Variants in GRIA1 observed in about 807,000 individuals in gnomAD.
The protein encoded by GRIA1 is glutamate ionotropic receptor AMPA type subunit 1.
GRIA1 carries 31 observed loss-of-function variants against 99.2 expected under a neutral mutation model. The observed-to-expected ratio is 0.31, with a 90% CI of 0.23 to 0.42. The LOEUF (loss-of-function observed/expected upper bound fraction) is 0.42. Ranked by LOEUF, GRIA1 falls within the 10% of genes least tolerant of loss-of-function variation. The pLI is 1.00. For synonymous variants in GRIA1, 438 were observed against 432.4 expected, an observed-to-expected ratio of 1.01 and a Z score of -0.16; for missense variants, 782 against 1,157.5, an observed-to-expected ratio of 0.68 and a Z score of 4.71.
At position 153,579,785 on chromosome 5, in the gene GRIA1, T is replaced by C. The variant is rs117817417; in HGVS notation, c.221-67143T>C. On this transcript the variant is annotated intron_variant, in intron 2 of 15. Coordinates refer to ENST00000285900, the MANE Select transcript of GRIA1 (RefSeq NM_000827.4). ...TGCTTCAAGGTCACACTGTGAGTGA[T>C]AGAGGAGTTGAAACCAAGTCACAGA... Among the ~76,000 whole-genome samples the C allele has an allele frequency of 1.1e-3, 161 of 152,096 alleles. 5 individuals carry two copies. The East Asian group carries it at 0.028, about 26-fold the overall frequency.
At chr5:153,710,388 A>G (rs1759227809) in intron 11 of GRIA1, among the ~76,000 whole-genome samples, 1 of 151,978 alleles carries the variant, frequency 6.6e-6, no homozygotes, top group African/African-American at 2.4e-5. Flanking sequence ...ACACCCAGCT[A>G]ATTTTTGTAT....
At chr5:153,543,146 T>C (rs532338002) in intron 2 of GRIA1, among the ~76,000 whole-genome samples, 99 of 152,190 alleles carry the variant, frequency 6.5e-4, no homozygotes, top group African/African-American at 2.3e-3. Flanking sequence ...GTGATGGTGA[T>C]GGAGATGTGA....
In GRIA1 at chr5:153,811,132, T is replaced by C; in HGVS notation, c.2628T>C (p.Gly876=). Residue 876 remains glycine, a synonymous_variant, in exon 16 of 16, where the codon GGT becomes GGC. Coordinates refer to ENST00000285900, the MANE Select transcript of GRIA1 (RefSeq NM_000827.4). ...GASSGGSGEN[G]RVVSHDFPKS... is the part of the protein sequence containing the mutation. ...GCAGCGGCGGCAGTGGAGAGAATGG[T>C]CGGGTGGTCAGCCATGACTTCCCCA... 1 of 1,614,044 alleles carries C rather than the reference T, an allele frequency of 6.2e-7. No homozygotes were observed. The highest frequency in any genetic ancestry group is 8.5e-7 in the Non-Finnish European group (1 of 1,179,950).
At chr5:153,776,106 T>C (rs937439110) in intron 13 of GRIA1, among the ~76,000 whole-genome samples, 1 of 152,152 alleles carries the variant, frequency 6.6e-6, no homozygotes, top group African/African-American at 2.4e-5. Flanking sequence ...GAGATTACCC[T>C]GGCGGTGGTT....
rs13166161 is a variant in GRIA1 at position 153,705,805 on chromosome 5, C to A, written c.1561C>A (p.Pro521Thr). Reference protein sequence around the residue: ...SLGISIMIKKPQKSKPGVFSF... With the variant: ...SLGISIMIKKTQKSKPGVFSF... ...GGGGATCTCCATCATGATTAAAAAACCACAGAAATCCAAGCCGGGTGTCTT... is the reference window on the plus strand; with the variant it reads ...GGGGATCTCCATCATGATTAAAAAAACACAGAAATCCAAGCCGGGTGTCTT... The change falls in exon 11 of 16, where the codon CCA becomes ACA. Residue 521 changes from proline (P) to threonine (T), a missense_variant. By Grantham distance (38) the Pro-to-Thr change is conservative. This residue lies in a region of GRIA1 where 87 missense variants were observed against 184.5 expected (regional missense o/e 0.47). Coordinates refer to ENST00000285900, the MANE Select transcript of GRIA1 (RefSeq NM_000827.4). 1.9e-6 allele frequency: 3 copies of A among 1,600,562 alleles called. No individual in the cohort carries two copies. The highest frequency in any genetic ancestry group is 1.4e-5 in the African/African-American group (1 of 73,806).
intron 2 of GRIA1, among the ~76,000 whole-genome samples, chr5:153,630,255 T>TCA (rs1752845153): frequency 7.3e-6 from 1 of 136,852 alleles, no homozygotes; most frequent in Non-Finnish European, 1.7e-5. Context: ...ATAATGATAA[T>TCA]TATCATCATC....
At chr5:153,556,276 C>G (rs1243287957) in intron 2 of GRIA1, among the ~76,000 whole-genome samples, 1 of 123,154 alleles carries the variant, frequency 8.1e-6, no homozygotes, top group East Asian at 2.0e-4. Flanking sequence ...CAACTATTCT[C>G]TCATTTAGTT....
chr5:153,668,360 G>A (rs1755899931), intron 5 of GRIA1, among the ~76,000 whole-genome samples: 2 of 152,056 alleles, frequency 1.3e-5, no homozygotes, highest in Non-Finnish European at 1.5e-5. Flanking sequence ...GCCATCACCT[G>A]ATTTTATATG....
intron 2 of GRIA1, among the ~76,000 whole-genome samples, chr5:153,526,169 A>G (rs1757576076): frequency 6.6e-6 from 1 of 152,176 alleles, no homozygotes; most frequent in Non-Finnish European, 1.5e-5. Flanking sequence ...TTAATGATGG[A>G]GAGGATCTAT....
intron 2 of GRIA1, among the ~76,000 whole-genome samples, chr5:153,516,242 T>A (rs1463667260): frequency 6.6e-6 from 1 of 151,758 alleles, no homozygotes; most frequent in Non-Finnish European, 1.5e-5. Context: ...ATAAGAAATC[T>A]ACCATATCTA....
intron 2 of GRIA1, among the ~76,000 whole-genome samples, chr5:153,562,985 G>C (rs1045812430): frequency 3.9e-5 from 6 of 151,936 alleles, no homozygotes; most frequent in African/African-American, 1.5e-4. Context: ...AGACCATCCC[G>C]GCCAACATGG....
At chr5:153,796,903 A>G (rs1296635068) in intron 14 of GRIA1, among the ~76,000 whole-genome samples, 4 of 151,752 alleles carry the variant, frequency 2.6e-5, no homozygotes, top group Admixed American at 2.0e-4. Context: ...CAAGGCCTGG[A>G]AGGCAAAAGG....
intron 2 of GRIA1, among the ~76,000 whole-genome samples, chr5:153,505,126 A>G (rs1755370957): frequency 6.6e-6 from 1 of 152,198 alleles, no homozygotes. Context: ...CAAGGCAAAC[A>G]GGGCAGTATG....
At chr5:153,492,430 C>A in intron 1 of GRIA1, 1 of 955,170 alleles carries the variant, frequency 1.0e-6, no homozygotes, top group Non-Finnish European at 1.4e-6. Flanking sequence ...CTCTTTCATT[C>A]ATTGCAGAGG....
At chr5:153,570,173 C>T (rs1761990830) in intron 2 of GRIA1, among the ~76,000 whole-genome samples, 1 of 152,172 alleles carries the variant, frequency 6.6e-6, no homozygotes, top group African/African-American at 2.4e-5. Context: ...AAACCGAGAG[C>T]AATATTCTCT....
chr5:153,563,718 A>G (rs1761363050), intron 2 of GRIA1, among the ~76,000 whole-genome samples: 1 of 152,216 alleles, frequency 6.6e-6, no homozygotes, highest in African/African-American at 2.4e-5. Context: ...GCATCGTATC[A>G]AAGAGGTCTG....
At chr5:153,801,833 TGAAATC>T (rs1302273204) in intron 14 of GRIA1, among the ~76,000 whole-genome samples, 2 of 151,340 alleles carry the variant, frequency 1.3e-5, no homozygotes, top group African/African-American at 4.9e-5. Flanking sequence ...CTTATTAAAT[TGAAATC>T]GAATGCACAT....
chr5:153,741,462 T>TATTA (rs1392865960), intron 11 of GRIA1, among the ~76,000 whole-genome samples: 4 of 152,226 alleles, frequency 2.6e-5, no homozygotes, highest in African/African-American at 9.6e-5. Context: ...CTCTCATATT[T>TATTA]ATTACAGCCC....
At chr5:153,702,671 A>G (rs1175312261) in intron 10 of GRIA1, among the ~76,000 whole-genome samples, 1 of 152,228 alleles carries the variant, frequency 6.6e-6, no homozygotes, top group Non-Finnish European at 1.5e-5. Flanking sequence ...AGAAATGCAG[A>G]TGTTCACATC....
Sources: allele counts gnomAD v4.1 joint callset (sites outside exome capture counted in the v4.1 genomes callset), GRCh38; gene constraint gnomAD v4.1.1; regional missense constraint gnomAD v4.1.1; transcripts MANE v1.5; gene names NCBI Gene and HGNC (gene_info 2026-07-23, HGNC 2026-07-21).